Variants in NMT1 observed in about 807,000 individuals in gnomAD.
NMT1 encodes the protein glycylpeptide N-tetradecanoyltransferase 1.
A neutral mutation model predicts 63.4 loss-of-function variants in NMT1; 12 were observed. The observed-to-expected ratio is 0.19, with a 90% confidence interval of 0.12 to 0.31. The LOEUF is 0.31. Ranked by LOEUF, NMT1 falls within the 10% of genes least tolerant of loss-of-function variation. The pLI is 1.00. For missense variants in NMT1, 432 were observed against 634.6 expected (o/e 0.68, Z 3.43); for synonymous variants, 228 against 234.3 (o/e 0.97, Z 0.25).
chr17:45,091,235 C>CACGT (rs2054085754), intron 3 of NMT1, among the ~76,000 whole-genome samples: 1 of 145,626 alleles, frequency 6.9e-6, no homozygotes, highest in African/African-American at 2.5e-5. Context: ...CACACACACA[C>CACGT]ACGTCCCATA....
intron 1 of NMT1, among the ~76,000 whole-genome samples, chr17:45,074,956 A>G (rs766272217): frequency 4.6e-5 from 7 of 152,156 alleles, no homozygotes; most frequent in Non-Finnish European, 1.0e-4. Flanking sequence ...GCTCATTCCC[A>G]TAATCCCAGC....
chr17:45,070,377 A>G (rs2053932312), intron 1 of NMT1, among the ~76,000 whole-genome samples: 1 of 151,588 alleles, frequency 6.6e-6, no homozygotes. Context: ...CAGCCTCTCA[A>G]GTAGCTGGGA....
intron 4 of NMT1, among the ~76,000 whole-genome samples, chr17:45,095,897 C>T (rs1443581304): frequency 6.6e-6 from 1 of 152,222 alleles, no homozygotes; most frequent in African/African-American, 2.4e-5. Flanking sequence ...TATAGCACTT[C>T]ACAGAAGTTG....
intron 1 of NMT1, among the ~76,000 whole-genome samples, chr17:45,072,574 T>TAATAAAAAAAGAAAG (rs1488846600): frequency 2.7e-5 from 4 of 145,472 alleles, no homozygotes; most frequent in South Asian, 2.2e-4. Context: ...CTATTTTTTT[T>TAATAAAAAAAGAAAG]TTTGAGATGG....
chr17:45,066,816 G>A (rs906026685), intron 1 of NMT1, among the ~76,000 whole-genome samples: 4 of 150,974 alleles, frequency 2.6e-5, no homozygotes, highest in African/African-American at 7.3e-5. Context: ...GGGCTCAAGC[G>A]ATCCTCCCAC....
chr17:45,073,457 T>C (rs2053956180), intron 1 of NMT1, among the ~76,000 whole-genome samples: 1 of 151,946 alleles, frequency 6.6e-6, no homozygotes, highest in Admixed American at 6.6e-5. Flanking sequence ...TAGGAAATTG[T>C]TAATGTCATC....
chr17:45,101,711 C>T (rs998547645), intron 8 of NMT1, among the ~76,000 whole-genome samples: 1 of 151,794 alleles, frequency 6.6e-6, no homozygotes. Context: ...CACACAGTCA[C>T]TGCGTTCCTG....
At chr17:45,082,817 A>G (rs1429161616) in intron 2 of NMT1, among the ~76,000 whole-genome samples, 1 of 151,450 alleles carries the variant, frequency 6.6e-6, no homozygotes, top group East Asian at 1.9e-4. Context: ...GGAGTTCAAG[A>G]CCACCCTGGC....
Position 45,104,737 on chromosome 17 carries a change from T to G in NMT1, c.1333-122T>G. The G allele has an allele frequency of 6.6e-7, 1 of 1,516,168 alleles. No individual in the cohort carries two copies. Among genetic ancestry groups the G allele is most frequent in the South Asian group, 1.3e-5 (1 of 76,810 alleles). The allele number at this position is 1,516,168 out of a possible 1,614,324, so 93.9% of individuals were successfully genotyped here. A position where few individuals can be genotyped will look rare whatever the true frequency, so the allele number is the denominator to read the frequency against. On this transcript the variant is annotated intron_variant, in intron 10 of 11. Coordinates refer to ENST00000258960, the MANE Select transcript of NMT1 (RefSeq NM_021079.5). This position sits in a 1 kb window ranked among gnomAD's most constrained non-coding sequence, Gnocchi z 4.2. ...GGATTAACGTGGAAGCAGCGGAGCT[T>G]CTGAGGGAACCTTGTTCTTGTGGCT...
chr17:45,077,187 G>T (rs1473420769), intron 1 of NMT1, among the ~76,000 whole-genome samples: 1 of 152,046 alleles, frequency 6.6e-6, no homozygotes, highest in Non-Finnish European at 1.5e-5. Flanking sequence ...TTACCTTTTT[G>T]ATTCTTTCTT....
In NMT1 at chr17:45,103,189, G is replaced by A; in HGVS notation, c.1164+68G>A. The A allele has an allele frequency of 6.7e-7, 1 of 1,494,008 alleles. No homozygotes were observed. The highest frequency in any genetic ancestry group is 9.2e-7 in the Non-Finnish European group (1 of 1,089,192). 92.5% of individuals were successfully genotyped at this position (1,494,008 alleles called of 1,614,324 possible). ...GAGAGGCACCCCCCTGAGTGGCCGG[G>A]TTCCCAGGGCTCGAGTGTTGGCACC... On this transcript the variant is annotated intron_variant, in intron 9 of 11. Transcript: ENST00000258960. This position sits in a 1 kb window ranked among gnomAD's most constrained non-coding sequence, Gnocchi z 4.8.
chr17:45,104,095 C>G lies in NMT1; in HGVS notation c.1332+219C>G. 1 of 1,460,076 alleles carries G rather than the reference C, an allele frequency of 6.8e-7. No homozygotes were observed. Among genetic ancestry groups the G allele is most frequent in the East Asian group, 2.6e-5 (1 of 38,712 alleles). 90.4% of individuals were successfully genotyped at this position (1,460,076 alleles called of 1,614,324 possible). A position where few individuals can be genotyped will look rare whatever the true frequency, so the allele number is the denominator to read the frequency against. Reference sequence around the variant, plus strand: ...TGAAGGCATTGAACTCCTCCTGATTCATTTCAGTGAGTTTCGTTCTCACAG... The same window carrying G: ...TGAAGGCATTGAACTCCTCCTGATTGATTTCAGTGAGTTTCGTTCTCACAG... On this transcript the variant is annotated intron_variant, in intron 10 of 11. Transcript: ENST00000258960. This position sits in a 1 kb window ranked among gnomAD's most constrained non-coding sequence, Gnocchi z 4.2.
intron 1 of NMT1, among the ~76,000 whole-genome samples, chr17:45,066,628 A>G (rs1352677918): frequency 1.3e-5 from 2 of 152,030 alleles, no homozygotes; most frequent in African/African-American, 4.8e-5. Flanking sequence ...TCATGTATAC[A>G]TATAGGTATA....
chr17:45,067,307 G>A (rs2053909075), intron 1 of NMT1, among the ~76,000 whole-genome samples: 1 of 151,994 alleles, frequency 6.6e-6, no homozygotes, highest in African/African-American at 2.4e-5. Flanking sequence ...TTAGACTATT[G>A]TGTTCTAGGA....
At chr17:45,063,706 G>A (rs989914096) in intron 1 of NMT1, among the ~76,000 whole-genome samples, 1 of 151,718 alleles carries the variant, frequency 6.6e-6, no homozygotes, top group African/African-American at 2.4e-5. Context: ...GAACAGCATG[G>A]CCAACATGGT....
chr17:45,086,804 TGCA>T, intron 3 of NMT1, 152 bp downstream of exon 3: 1 of 712,488 alleles, frequency 1.4e-6, no homozygotes, highest in Admixed American at 3.3e-5. Context: ...TTTTTAAAAA[TGCA>T]GCATAAAGAC....
rs188011119 is a variant in NMT1, at chr17:45,091,069, T to G, written c.386-2616T>G. ...AAGTGGCTGCTCCCTTTTCAGTGTT[T>G]CCTGTAGCTCTACTTTTTCACACCC... On this transcript the variant is annotated intron_variant, in intron 3 of 11. Transcript: ENST00000258960. Among the ~76,000 whole-genome samples the G allele has an allele frequency of 1.4e-3, 213 of 152,224 alleles. 1 individual carries two copies. The highest frequency in any genetic ancestry group is 4.8e-3 in the Admixed American group (73 of 15,274).
Position 45,077,303 on chromosome 17 carries a change from G to T in NMT1, c.132-4341G>T, listed in dbSNP as rs567059146. Among the ~76,000 whole-genome samples, 6 of 152,250 alleles carry T rather than the reference G, an allele frequency of 3.9e-5. No individual in the cohort carries two copies. The East Asian group carries it at 9.6e-4, about 24-fold the overall frequency. The stretch of plus-strand genomic sequence containing the variant: ...TTTGTGGTTATGGACCAGATAATTT[G>T]TTCCATAAGCTGTTATGAATAAGAA... On this transcript the variant is annotated intron_variant, in intron 1 of 11. Coordinates refer to ENST00000258960, the MANE Select transcript of NMT1 (RefSeq NM_021079.5).
intron 4 of NMT1, among the ~76,000 whole-genome samples, chr17:45,095,405 G>C (rs1374915375): frequency 6.6e-6 from 1 of 152,134 alleles, no homozygotes; most frequent in South Asian, 2.1e-4. Context: ...ACCACACCGG[G>C]CCAACAGAAT....
Sources: gnomAD v4.1 joint callset for allele counts (sites outside exome capture counted in the v4.1 genomes callset) on GRCh38, gnomAD v4.1.1 for gene constraint, Gnocchi (gnomAD v3.1) non-coding constraint, MANE v1.5 for transcripts, NCBI Gene and HGNC (gene_info 2026-07-23, HGNC 2026-07-21) for gene names.